Variants in ARHGEF1 observed in about 807,000 individuals in gnomAD.
The protein encoded by ARHGEF1 is 115 kDa guanine nucleotide exchange factor.
ARHGEF1 carries 40 observed loss-of-function variants against 119.7 expected under a neutral mutation model. That is an observed-to-expected ratio of 0.33 (90% confidence interval 0.26 to 0.44). ARHGEF1 has a LOEUF of 0.44. Among genes scored for constraint, ARHGEF1 ranks in the 20% least tolerant of loss-of-function variants. ARHGEF1 has a pLI of 1.00. For synonymous variants in ARHGEF1, 494 were observed against 521.0 expected (o/e 0.95, Z 0.71); for missense variants, 976 against 1,268.3 (o/e 0.77, Z 3.50).
At chr19:41,921,425 AG>A (rs1396268732), upstream of ARHGEF1, among the ~76,000 whole-genome samples, 1 of 152,174 alleles carries the variant, frequency 6.6e-6, no homozygotes, top group African/African-American at 2.4e-5. The surrounding 1 kb of genome is among the most constrained non-coding windows in gnomAD (Gnocchi z 4.4). Flanking sequence ...AAAGAGACAC[AG>A]AGGACAAGGA....
rs372670738 is a variant in ARHGEF1 at position 41,892,700 on chromosome 19, G to A, written c.465G>A (p.Glu155=). Reference sequence around the variant, plus strand: ...AGGTAGCCGTGGGCCGGCAGCTGGAGGACTTCCGTTCCAAGCGGCTCATGG... The same window carrying A: ...AGGTAGCCGTGGGCCGGCAGCTGGAAGACTTCCGTTCCAAGCGGCTCATGG... ...SQQVAVGRQL[E]DFRSKRLMGM... is the part of the protein sequence containing the mutation. The change falls in exon 7 of 29, where the codon GAG becomes GAA. Residue 155 remains glutamate (E), a synonymous_variant. Coordinates refer to ENST00000354532, the MANE Select transcript of ARHGEF1 (RefSeq NM_004706.4). This position sits in a 1 kb window ranked among gnomAD's most constrained non-coding sequence, Gnocchi z 6.3. 3 of 1,613,568 alleles carry A rather than the reference G, an allele frequency of 1.9e-6. No individual in the cohort carries two copies. In the African/African-American group the frequency reaches 4.0e-5, roughly 22 times the overall value.
chr19:41,921,234 G>C (rs1394971230), upstream of ARHGEF1, among the ~76,000 whole-genome samples: 1 of 152,150 alleles, frequency 6.6e-6, no homozygotes, highest in Admixed American at 6.5e-5. This position sits in a 1 kb window ranked among gnomAD's most constrained non-coding sequence, Gnocchi z 4.4. Context: ...CAGAGAGATG[G>C]AGGAACTGGA....
At chr19:41,891,707 G>T (rs1356631756) in intron 4 of ARHGEF1, among the ~76,000 whole-genome samples, 1 of 151,842 alleles carries the variant, frequency 6.6e-6, no homozygotes, top group Non-Finnish European at 1.5e-5. Context: ...GCCGTGTCTG[G>T]TATACACTAA....
At chr19:41,900,189 C>T (rs1555848754) in intron 14 of ARHGEF1, among the ~76,000 whole-genome samples, 1 of 152,036 alleles carries the variant, frequency 6.6e-6, no homozygotes. Flanking sequence ...CAAAAATTAG[C>T]CAAGCATAGT....
downstream of ARHGEF1, chr19:41,909,050 AG>A: frequency 1.3e-5 from 16 of 1,217,956 alleles, no homozygotes; most frequent in Non-Finnish European, 1.6e-5. The surrounding 1 kb of genome is among the most constrained non-coding windows in gnomAD (Gnocchi z 5.2). Flanking sequence ...CAGAACCTCC[AG>A]GCTCTTACCA....
intron 1 of ARHGEF1, among the ~76,000 whole-genome samples, chr19:41,925,789 C>A (rs74559840): frequency 5.3e-4 from 81 of 152,152 alleles, no homozygotes; most frequent in Non-Finnish European, 9.0e-4. Flanking sequence ...GACAGGTGTG[C>A]TCTTAGGTGA....
At chr19:41,922,208 C>T (rs553992854), upstream of ARHGEF1, among the ~76,000 whole-genome samples, 2 of 152,042 alleles carry the variant, frequency 1.3e-5, no homozygotes, top group African/African-American at 2.4e-5. Flanking sequence ...TCAGGCATCC[C>T]GACAGAGCCC....
downstream of ARHGEF1, chr19:41,908,510 G>A: frequency 2.4e-6 from 3 of 1,231,730 alleles, no homozygotes; most frequent in Non-Finnish European, 3.0e-6. This position sits in a 1 kb window ranked among gnomAD's most constrained non-coding sequence, Gnocchi z 6.7. Flanking sequence ...AGGGCAGGTG[G>A]CCCAGGGAAC....
At chr19:41,912,596 C>G (rs1555851359) in intron 18 of ARHGEF1, among the ~76,000 whole-genome samples, 2 of 152,336 alleles carry the variant, frequency 1.3e-5, no homozygotes, top group African/African-American at 4.8e-5. Flanking sequence ...CCCCTCCGTC[C>G]TCACCCCTCA....
chr19:41,900,459 C>G (rs545970365), intron 14 of ARHGEF1, among the ~76,000 whole-genome samples: 2 of 152,226 alleles, frequency 1.3e-5, no homozygotes, highest in Non-Finnish European at 2.9e-5. Flanking sequence ...CAATTTCTTT[C>G]CCCAGAAAGA....
chr19:41,891,948 G>A (rs1027728165), intron 4 of ARHGEF1, 77 bp from the exon 5 acceptor site: 2 of 1,280,434 alleles, frequency 1.6e-6, no homozygotes, highest in South Asian at 2.8e-5. Flanking sequence ...AGGAGGTGAG[G>A]AAGGCCCTTT....
At position 41,892,243 on chromosome 19, in the gene ARHGEF1, C is replaced by T. The variant is rs532196716; in HGVS notation, c.325-88C>T. On this transcript the variant is annotated intron_variant, in intron 5 of 28. Coordinates refer to ENST00000354532, the MANE Select transcript of ARHGEF1 (RefSeq NM_004706.4). The surrounding 1 kb of genome is among the most constrained non-coding windows in gnomAD (Gnocchi z 6.3). ...TGACCCAGGCCTTCCCCAGCACCCT[C>T]GCTTAGACCAGGGTTCCTGGCAGTC... 4.4e-6 allele frequency: 7 copies of T among 1,581,904 alleles called. No individual in the cohort carries two copies. Among genetic ancestry groups the T allele is most frequent in the South Asian group, 3.3e-5 (3 of 90,274 alleles).
At chr19:41,894,006 A>G (rs372762523) in intron 8 of ARHGEF1, among the ~76,000 whole-genome samples, 86 of 151,546 alleles carry the variant, frequency 5.7e-4, no homozygotes, top group African/African-American at 1.8e-3. Flanking sequence ...GGCATTGGGT[A>G]ACAGCCCTTG....
chr19:41,906,661 GAAGGAAGGGGCCCCCCTCATC>G lies in ARHGEF1; in HGVS notation c.2656-41_2656-21del. ...CCAGGGGTGCCCTGAGTGGGCTGGG[GAAGGAAGGGGCCCCCCTCATC>G]CATGACCCCCACCCCACCAGGAGTT... On this transcript the variant is annotated intron_variant, in intron 27 of 28. Transcript: ENST00000354532. The surrounding 1 kb of genome is among the most constrained non-coding windows in gnomAD (Gnocchi z 4.5). 2 of 1,599,146 alleles carry G rather than the reference GAAGGAAGGGGCCCCCCTCATC, an allele frequency of 1.3e-6. No individual in the cohort carries two copies. The highest frequency in any genetic ancestry group is 1.7e-6 in the Non-Finnish European group (2 of 1,175,264).
intron 8 of ARHGEF1, 47 bp downstream of exon 8, chr19:41,893,350 A>T: frequency 7.5e-7 from 1 of 1,337,296 alleles, no homozygotes; most frequent in Non-Finnish European, 1.0e-6. Context: ...TTGAGGGAGG[A>T]GGGGGCTGAG....
At chr19:41,915,539 G>A (rs1296238853) in intron 18 of ARHGEF1, among the ~76,000 whole-genome samples, 1 of 151,592 alleles carries the variant, frequency 6.6e-6, no homozygotes, top group Non-Finnish European at 1.5e-5. Context: ...TTAATGTCTA[G>A]GGTCTCCACA....
At chr19:41,920,018 TG>T (rs1417130922), upstream of ARHGEF1, among the ~76,000 whole-genome samples, 44 of 121,878 alleles carry the variant, frequency 3.6e-4, no homozygotes, top group African/African-American at 1.3e-3. Flanking sequence ...CTCACAGACA[TG>T]ACGCGCTCAC....
At position 41,905,054 on chromosome 19, in the gene ARHGEF1, T is replaced by C; in HGVS notation, c.2249+18T>C. The C allele has an allele frequency of 6.2e-7, 1 of 1,613,468 alleles. No homozygotes were observed. On this transcript the variant is annotated intron_variant, in intron 23 of 28. Coordinates refer to ENST00000354532, the MANE Select transcript of ARHGEF1 (RefSeq NM_004706.4). The surrounding 1 kb of genome is among the most constrained non-coding windows in gnomAD (Gnocchi z 6.4). ...CGGAAAAAGTGAGGGGGGGTCTGAG[T>C]TCTGAGTGTGGGTGGAGGACGCCCA...
chr19:41,894,474 C>T lies in ARHGEF1; in HGVS notation c.768C>T (p.Asp256=), dbSNP rs202000253. The T allele has an allele frequency of 2.1e-4, 333 of 1,570,102 alleles. 3 individuals carry two copies. In the South Asian group the frequency reaches 2.9e-3, roughly 14 times the overall value. Residue 256 remains aspartate, a synonymous_variant, in exon 10 of 29, where the codon GAC becomes GAT. Coordinates refer to ENST00000354532, the MANE Select transcript of ARHGEF1 (RefSeq NM_004706.4). ...AGGTGATGGGGAACCGGCGGTCGGACGAGCCTGCCAAGACCAAGAAGGGGC... is the reference window on the plus strand; with the variant it reads ...AGGTGATGGGGAACCGGCGGTCGGATGAGCCTGCCAAGACCAAGAAGGGGC... The part of the protein sequence containing the change: ...RKKVMGNRRS[D]EPAKTKKGLS...
Sources: gnomAD v4.1 joint callset for allele counts (sites outside exome capture counted in the v4.1 genomes callset) on GRCh38, gnomAD v4.1.1 for gene constraint, Gnocchi (gnomAD v3.1) non-coding constraint, MANE v1.5 for transcripts, NCBI Gene and HGNC (gene_info 2026-07-23, HGNC 2026-07-21) for gene names.